Variants in CLASP2 observed in about 807,000 individuals in gnomAD.
The protein encoded by CLASP2 is cytoplasmic linker associated protein 2.
A neutral mutation model predicts 194.4 loss-of-function variants in CLASP2; 47 were observed. The ratio of observed to expected loss-of-function variants is 0.24; its 90% CI spans 0.19 to 0.31. The LOEUF is 0.31. Ranked by LOEUF, CLASP2 falls within the 10% of genes least tolerant of loss-of-function variation. CLASP2 has a pLI of 1.00. For synonymous variants in CLASP2, 619 were observed against 633.5 expected, an observed-to-expected ratio of 0.98 and a Z score of 0.34; for missense variants, 1,445 against 1,823.6, an observed-to-expected ratio of 0.79 and a Z score of 3.78.
chr3:33,685,061 C>T (rs953555975), intron 5 of CLASP2, among the ~76,000 whole-genome samples: 1 of 150,484 alleles, frequency 6.6e-6, no homozygotes, highest in African/African-American at 2.4e-5. Context: ...TATTTGTAGG[C>T]CCGGCACGGT....
At chr3:33,608,686 C>T in intron 13 of CLASP2, 60 bp from the exon 14 acceptor site, 1 of 940,394 alleles carries the variant, frequency 1.1e-6, no homozygotes, top group Non-Finnish European at 1.6e-6. Context: ...TTAACACTTT[C>T]TTTTATACTA....
chr3:33,669,233 C>G (rs898683132), intron 6 of CLASP2, among the ~76,000 whole-genome samples: 24 of 152,028 alleles, frequency 1.6e-4, no homozygotes, highest in Admixed American at 1.4e-3. Flanking sequence ...AAAATTTTTA[C>G]CTGAAGTCTT....
intron 34 of CLASP2, among the ~76,000 whole-genome samples, chr3:33,519,006 A>T (rs759209633): frequency 6.6e-6 from 1 of 152,172 alleles, no homozygotes; most frequent in Non-Finnish European, 1.5e-5. Context: ...CAGTTTCCTA[A>T]TTATTGCCAA....
At chr3:33,617,065 T>G (rs1300268729) in intron 12 of CLASP2, among the ~76,000 whole-genome samples, 1 of 150,682 alleles carries the variant, frequency 6.6e-6, no homozygotes, top group Non-Finnish European at 1.5e-5. Flanking sequence ...AGGTTCTGGA[T>G]TAAGGTTGTC....
At position 33,693,822 on chromosome 3, in the gene CLASP2, C is replaced by A. The variant is rs116011153; in HGVS notation, c.274+3033G>T. On this transcript the variant is annotated intron_variant, in intron 2 of 38. Coordinates refer to ENST00000682230, the MANE Select transcript of CLASP2 (RefSeq NM_001365631.1). ...ACAATATTGACTGACAGTAAATGCACAGGGATAACAGAAAGAATAGGAGAT... is the reference window on the plus strand; with the variant it reads ...ACAATATTGACTGACAGTAAATGCAAAGGGATAACAGAAAGAATAGGAGAT... Among the ~76,000 whole-genome samples the A allele has an allele frequency of 6.6e-3, 1,002 of 150,944 alleles. 6 individuals carry two copies. Among genetic ancestry groups the A allele is most frequent in the Admixed American group, 0.01 (151 of 15,062 alleles).
intron 1 of CLASP2, among the ~76,000 whole-genome samples, chr3:33,703,617 T>C (rs543140287): frequency 2.6e-5 from 4 of 152,322 alleles, no homozygotes; most frequent in Non-Finnish European, 5.9e-5. Flanking sequence ...GAGTTGAAAA[T>C]TGATGTCCAT....
chr3:33,697,016 A>G, intron 1 of CLASP2, 83 bp from the exon 2 acceptor site: 1 of 768,486 alleles, frequency 1.3e-6, no homozygotes, highest in Non-Finnish European at 2.2e-6. Flanking sequence ...CATATAAAAG[A>G]TCTTCATAAA....
At chr3:33,513,044 C>T (rs1029690467) in intron 36 of CLASP2, among the ~76,000 whole-genome samples, 6 of 151,974 alleles carry the variant, frequency 3.9e-5, no homozygotes, top group Non-Finnish European at 7.4e-5. Context: ...ATACACTGGA[C>T]GTTAGAAGAC....
At chr3:33,636,201 A>G (rs1302226448) in intron 8 of CLASP2, among the ~76,000 whole-genome samples, 1 of 152,144 alleles carries the variant, frequency 6.6e-6, no homozygotes, top group East Asian at 1.9e-4. Context: ...CCAACAAATC[A>G]CGTAGTAAAG....
chr3:33,579,200 G>A (rs1291592446), intron 23 of CLASP2, among the ~76,000 whole-genome samples: 5 of 152,278 alleles, frequency 3.3e-5, no homozygotes, highest in African/African-American at 1.2e-4. Flanking sequence ...GTCATCTTCA[G>A]TGCAAATAGG....
At chr3:33,554,225 C>CA (rs58168943) in intron 29 of CLASP2, among the ~76,000 whole-genome samples, 28,904 of 88,654 alleles carry the variant, frequency 0.33, 3,908 homozygotes, top group Middle Eastern at 0.49. Context: ...GAAACTGTCT[C>CA]AAAAAAAAAA....
At chr3:33,601,083 C>T (rs910429958) in intron 18 of CLASP2, among the ~76,000 whole-genome samples, 3 of 151,688 alleles carry the variant, frequency 2.0e-5, no homozygotes, top group Admixed American at 6.6e-5. Context: ...CTCAGCCTCC[C>T]GAGTAGCTGG....
intron 21 of CLASP2, among the ~76,000 whole-genome samples, chr3:33,586,736 C>A (rs1342480191): frequency 2.0e-5 from 3 of 152,042 alleles, no homozygotes; most frequent in South Asian, 4.2e-4. Flanking sequence ...ATGAAAGCAA[C>A]CTTTTCCCTT....
intron 12 of CLASP2, among the ~76,000 whole-genome samples, chr3:33,616,063 T>C (rs943267702): frequency 6.6e-6 from 1 of 150,882 alleles, no homozygotes; most frequent in Non-Finnish European, 1.5e-5. Flanking sequence ...AACTAAAGAA[T>C]TAGAAAAATT....
At chr3:33,534,499 C>A (rs2056960879) in intron 34 of CLASP2, among the ~76,000 whole-genome samples, 1 of 152,138 alleles carries the variant, frequency 6.6e-6, no homozygotes, top group African/African-American at 2.4e-5. Context: ...CCTACGAGGA[C>A]AAGGCTGCAG....
intron 1 of CLASP2, among the ~76,000 whole-genome samples, chr3:33,702,309 A>G (rs369012593): frequency 7.9e-5 from 12 of 152,326 alleles, no homozygotes; most frequent in African/African-American, 2.9e-4. Flanking sequence ...AATAGAACTC[A>G]GAGTCCAGAA....
Position 33,535,211 on chromosome 3 carries a change from AG to A in CLASP2, c.3787+21del, listed in dbSNP as rs369471752. The A allele has an allele frequency of 1.5e-5, 23 of 1,529,520 alleles. No homozygotes were observed. In the African/African-American group the frequency reaches 1.8e-4, roughly 12 times the overall value. The allele number at this position is 1,529,520 out of a possible 1,614,324, so 94.7% of individuals were successfully genotyped here. ...TACCAAGTTCTCCAAAACAGACAGT[AG>A]CAGTGTGACCCAGAACATACCGTCA... is the stretch of plus-strand genomic sequence containing the variant. On this transcript the variant is annotated intron_variant, in intron 34 of 38. Coordinates refer to ENST00000682230, the MANE Select transcript of CLASP2 (RefSeq NM_001365631.1).
chr3:33,694,009 G>A (rs2091620520), intron 2 of CLASP2, among the ~76,000 whole-genome samples: 4 of 152,076 alleles, frequency 2.6e-5, no homozygotes, highest in Admixed American at 2.6e-4. Context: ...AATGTGGGGT[G>A]AGGTTAACCT....
At chr3:33,580,623 T>C (rs1396034314) in intron 23 of CLASP2, among the ~76,000 whole-genome samples, 1 of 151,908 alleles carries the variant, frequency 6.6e-6, no homozygotes, top group Non-Finnish European at 1.5e-5. Flanking sequence ...TCTGAGGAAA[T>C]AAGAATTCCA....
Sources: gnomAD v4.1 joint callset for allele counts (sites outside exome capture counted in the v4.1 genomes callset) on GRCh38, gnomAD v4.1.1 for gene constraint, MANE v1.5 for transcripts, NCBI Gene and HGNC (gene_info 2026-07-23, HGNC 2026-07-21) for gene names.